Variants in MARCHF8 observed in about 807,000 individuals in gnomAD.
The protein encoded by MARCHF8 is membrane associated ring-CH-type finger 8, also known as E3 ubiquitin-protein ligase MARCHF8.
A neutral mutation model predicts 51.6 loss-of-function variants in MARCHF8; 40 were observed. The observed-to-expected ratio is 0.77, with a 90% CI of 0.60 to 1.01. The LOEUF is 1.01. Among genes scored for constraint, MARCHF8 ranks in the 50% least tolerant of loss-of-function variants. The pLI is 0.00. For missense variants in MARCHF8, 685 were observed against 708.6 expected (o/e 0.97, Z 0.38); for synonymous variants, 263 against 280.3 (o/e 0.94, Z 0.62).
intron 1 of MARCHF8, among the ~76,000 whole-genome samples, chr10:45,578,754 A>T (rs1399958102): frequency 1.3e-5 from 2 of 152,204 alleles, no homozygotes; most frequent in Non-Finnish European, 2.9e-5. Context: ...GCACTGAGAA[A>T]AATAAAAATC....
chr10:45,510,975 AC>A (rs1378724573), intron 2 of MARCHF8, among the ~76,000 whole-genome samples: 1 of 152,130 alleles, frequency 6.6e-6, no homozygotes, highest in Non-Finnish European at 1.5e-5. Flanking sequence ...CTGAAAATTC[AC>A]CCTTAAAGTT....
intron 1 of MARCHF8, among the ~76,000 whole-genome samples, chr10:45,540,436 T>A (rs1025219892): frequency 3.7e-4 from 56 of 152,148 alleles, no homozygotes; most frequent in Non-Finnish European, 7.5e-4. Flanking sequence ...ATTAAAGACT[T>A]ACATGTTAGA....
chr10:45,525,359 G>A (rs2043773535), intron 2 of MARCHF8, among the ~76,000 whole-genome samples: 1 of 152,164 alleles, frequency 6.6e-6, no homozygotes, highest in Non-Finnish European at 1.5e-5. Context: ...GTTGATCATT[G>A]AATTACCTTC....
At chr10:45,518,570 C>T (rs1392326053) in intron 2 of MARCHF8, among the ~76,000 whole-genome samples, 2 of 152,316 alleles carry the variant, frequency 1.3e-5, no homozygotes, top group East Asian at 3.9e-4. Flanking sequence ...AACCTGCCTC[C>T]TCAAACACTG....
Position 45,463,653 on chromosome 10 carries a change from TGTTA to T in MARCHF8, c.582_585del (p.Asn195GlyfsTer10), listed in dbSNP as rs1180999743. ...GTTCTTTTTTCTTTATGATGAAACC[TGTTA>T]GTTCTGAGACACGTATCTTGAGGGA... On this transcript the variant is annotated frameshift_variant, in exon 5 of 8. Transcript: ENST00000453424. LOFTEE classifies it high-confidence loss of function. 2 of 1,550,632 alleles carry T rather than the reference TGTTA, an allele frequency of 1.3e-6. No individual in the cohort carries two copies. Among genetic ancestry groups the T allele is most frequent in the African/African-American group, 2.7e-5 (2 of 73,070 alleles).
chr10:45,592,890 A>G (rs77671351), intron 1 of MARCHF8, among the ~76,000 whole-genome samples: 2,191 of 152,312 alleles, frequency 0.014, 49 homozygotes, highest in African/African-American at 0.048. Context: ...CCCACGTAAT[A>G]TTTATAGTAA....
chr10:45,548,597 A>G (rs914475581), intron 1 of MARCHF8, among the ~76,000 whole-genome samples: 28 of 152,368 alleles, frequency 1.8e-4, no homozygotes, highest in African/African-American at 6.5e-4. Flanking sequence ...CTCAAAGTTA[A>G]GAAAAGGGAA....
chr10:45,537,895 C>A (rs1280019429), upstream of MARCHF8, among the ~76,000 whole-genome samples: 1 of 152,062 alleles, frequency 6.6e-6, no homozygotes, highest in Admixed American at 6.5e-5. Flanking sequence ...GGTTGCAGAA[C>A]TTTCGAGTAT....
At chr10:45,592,070 C>T (rs920804632) in intron 1 of MARCHF8, among the ~76,000 whole-genome samples, 2 of 152,156 alleles carry the variant, frequency 1.3e-5, no homozygotes, top group African/African-American at 4.8e-5. Flanking sequence ...ACTAGAACAC[C>T]AGTCACATCA....
intron 1 of MARCHF8, among the ~76,000 whole-genome samples, chr10:45,590,292 G>A (rs1307243617): frequency 2.0e-5 from 3 of 152,050 alleles, no homozygotes; most frequent in African/African-American, 4.8e-5. Flanking sequence ...ATCCTTTGTC[G>A]ATTTTTTTGA....
At chr10:45,481,213 TTG>T (rs2042879873) in intron 3 of MARCHF8, among the ~76,000 whole-genome samples, 1 of 152,216 alleles carries the variant, frequency 6.6e-6, no homozygotes, top group East Asian at 1.9e-4. Context: ...TGTGCCCCCA[TTG>T]TATCTAGAAA....
chr10:45,572,806 G>A (rs1246586773), intron 1 of MARCHF8, among the ~76,000 whole-genome samples: 1 of 151,982 alleles, frequency 6.6e-6, no homozygotes, highest in African/African-American at 2.4e-5. Context: ...TAGAGACATA[G>A]GAAACGTGTT....
chr10:45,499,046 T>G (rs1489019966), intron 2 of MARCHF8, among the ~76,000 whole-genome samples: 2 of 152,230 alleles, frequency 1.3e-5, no homozygotes, highest in African/African-American at 2.4e-5. Flanking sequence ...CCATTGTGGT[T>G]GCACTATTTT....
intron 1 of MARCHF8, among the ~76,000 whole-genome samples, chr10:45,551,149 T>C (rs771789334): frequency 6.6e-6 from 1 of 152,164 alleles, no homozygotes; most frequent in African/African-American, 2.4e-5. Context: ...CTCCTAGATA[T>C]ACAATGAGAG....
chr10:45,509,201 ATAC>A (rs2043447373), intron 2 of MARCHF8, among the ~76,000 whole-genome samples: 1 of 152,184 alleles, frequency 6.6e-6, no homozygotes, highest in Non-Finnish European at 1.5e-5. Flanking sequence ...TGGGTTGATA[ATAC>A]TACTAACCCC....
At chr10:45,509,362 T>C (rs2043451034) in intron 2 of MARCHF8, among the ~76,000 whole-genome samples, 2 of 152,246 alleles carry the variant, frequency 1.3e-5, no homozygotes, top group Admixed American at 1.3e-4. Context: ...TAAAGCTATC[T>C]ATAACTCATA....
intron 2 of MARCHF8, among the ~76,000 whole-genome samples, chr10:45,531,198 G>C (rs556837277): frequency 1.7e-4 from 26 of 152,262 alleles, no homozygotes; most frequent in African/African-American, 6.3e-4. Context: ...GACAGAAAAA[G>C]TATCTGAAGA....
In MARCHF8 at chr10:45,571,296, C is replaced by T. The variant is rs2044426111; in HGVS notation, c.-79+22939G>A. On this transcript the variant is annotated intron_variant, in intron 1 of 6. Coordinates refer to the MARCHF8 transcript ENST00000319836. ...TGAAAATAGCCTGTTTCTGCCTTAACTGATGACATTACCTTGTGAAATTCC... is the reference window on the plus strand; with the variant it reads ...TGAAAATAGCCTGTTTCTGCCTTAATTGATGACATTACCTTGTGAAATTCC... 3.3e-5 allele frequency among the ~76,000 whole-genome samples: 5 copies of T among 152,328 alleles called. 1 individual carries two copies. The South Asian group carries it at 8.3e-4, about 25-fold the overall frequency.
intron 2 of MARCHF8, among the ~76,000 whole-genome samples, chr10:45,519,294 GGCAAAACTAAATAAAC>G (rs1349366898): frequency 6.6e-6 from 1 of 152,114 alleles, no homozygotes; most frequent in African/African-American, 2.4e-5. Flanking sequence ...ATGACTATGT[GGCAAAACTAAATAAAC>G]GCCATATCAG....
Sources: allele counts gnomAD v4.1 joint callset (sites outside exome capture counted in the v4.1 genomes callset), GRCh38; gene constraint gnomAD v4.1.1; transcripts MANE v1.5; gene names NCBI Gene and HGNC (gene_info 2026-07-23, HGNC 2026-07-21).